Variants in BCLAF1 observed in about 807,000 individuals in gnomAD.
The protein encoded by BCLAF1 is bcl-2-associated transcription factor 1.
BCLAF1 carries 10 observed loss-of-function variants against 99.5 expected under a neutral mutation model. The ratio of observed to expected loss-of-function variants is 0.10; its 90% CI spans 0.06 to 0.17. The LOEUF (loss-of-function observed/expected upper bound fraction) is 0.17, where lower values mean the gene tolerates loss of function less well. Among genes scored for constraint, BCLAF1 ranks in the 10% least tolerant of loss-of-function variants. The pLI is 1.00. For missense variants in BCLAF1, 636 were observed against 1,105.8 expected, an observed-to-expected ratio of 0.58 and a Z score of 6.02; for synonymous variants, 255 against 370.9, an observed-to-expected ratio of 0.69 and a Z score of 3.59.
chr6:136,277,559 T>C (rs1018836905), intron 4 of BCLAF1, among the ~76,000 whole-genome samples: 2 of 152,188 alleles, frequency 1.3e-5, no homozygotes, highest in Non-Finnish European at 2.9e-5. Context: ...AGGGTCTTGC[T>C]CTATCGCCCA....
intron 4 of BCLAF1, among the ~76,000 whole-genome samples, chr6:136,277,583 T>C (rs183134648): frequency 2.6e-4 from 40 of 152,262 alleles, no homozygotes; most frequent in Admixed American, 1.4e-3. Flanking sequence ...TGGAGTGCAG[T>C]AGGCGCAATC....
chr6:136,261,072 T>G lies in BCLAF1; in HGVS notation c.*38A>C, dbSNP rs987833730. The G allele has an allele frequency of 3.2e-6, 5 of 1,542,118 alleles. No individual in the cohort carries two copies. The African/African-American group carries it at 7.0e-5, about 22-fold the overall frequency. On this transcript the variant is annotated 3_prime_UTR_variant, in exon 13 of 13. Transcript: ENST00000531224. Reference sequence around the variant, plus strand: ...AAAATCAGGTAAAAAAAATGGTGGGTGCAAGTTCTGCTCTGTTGTAATCTT... The same window carrying G: ...AAAATCAGGTAAAAAAAATGGTGGGGGCAAGTTCTGCTCTGTTGTAATCTT...
intron 4 of BCLAF1, among the ~76,000 whole-genome samples, chr6:136,276,726 G>A (rs1783475914): frequency 6.6e-6 from 1 of 152,180 alleles, no homozygotes; most frequent in Non-Finnish European, 1.5e-5. Flanking sequence ...GACTTCTGAA[G>A]TTTAAAACAC....
intron 11 of BCLAF1, among the ~76,000 whole-genome samples, chr6:136,265,957 T>A (rs904762909): frequency 2.6e-5 from 4 of 152,024 alleles, no homozygotes; most frequent in Admixed American, 2.0e-4. Context: ...TTTCTATACA[T>A]CAAATGCCTT....
chr6:136,266,909 A>C, intron 11 of BCLAF1, 120 bp downstream of exon 11: 1 of 1,274,398 alleles, frequency 7.8e-7, no homozygotes, highest in South Asian at 1.6e-5. Context: ...TATTTTAAAA[A>C]AGGTTTCCCA....
intron 1 of BCLAF1, among the ~76,000 whole-genome samples, chr6:136,288,734 C>G (rs1439222968): frequency 6.6e-6 from 1 of 152,154 alleles, no homozygotes; most frequent in Non-Finnish European, 1.5e-5. Context: ...AGAAATAAAT[C>G]TTAAAAGCGA....
chr6:136,259,159 G>A lies in BCLAF1; in HGVS notation c.*1951C>T, dbSNP rs573341219. The A allele has an allele frequency of 5.9e-5, 9 of 151,960 alleles. No individual in the cohort carries two copies. The highest frequency in any genetic ancestry group is 4.1e-4 in the South Asian group (2 of 4,824). 9.4% of individuals were successfully genotyped at this position (151,960 alleles called of 1,614,324 possible). A position where few individuals can be genotyped will look rare whatever the true frequency, so the allele number is the denominator to read the frequency against. The stretch of plus-strand genomic sequence containing the variant: ...CAATCACCCTAGCCTACTACACTCT[G>A]GTATAATACTCTTTCTTCAATTCTG... On this transcript the variant is annotated 3_prime_UTR_variant, in exon 13 of 13. Transcript: ENST00000531224.
chr6:136,263,647 TCCATA>T (rs1781322538), intron 11 of BCLAF1, among the ~76,000 whole-genome samples: 1 of 152,132 alleles, frequency 6.6e-6, no homozygotes, highest in African/African-American at 2.4e-5. Context: ...TCTTCTCTTC[TCCATA>T]CAAGGATCAC....
At position 136,261,377 on chromosome 6, in the gene BCLAF1, C is replaced by A. The variant is rs761657011; in HGVS notation, c.2645G>T (p.Gly882Val). 1 of 1,613,878 alleles carries A rather than the reference C, an allele frequency of 6.2e-7. No individual in the cohort carries two copies. Among genetic ancestry groups the A allele is most frequent in the Non-Finnish European group, 8.5e-7 (1 of 1,179,866 alleles). Residue 882 changes from glycine (G) to valine (V), a missense_variant, in exon 12 of 13, where the codon GGT (glycine) becomes GTT (valine). Coordinates refer to ENST00000531224, the MANE Select transcript of BCLAF1 (RefSeq NM_014739.3). Reference protein sequence around the residue: ...GRGRFNFKKSGSSPKWTHDKY... With the variant: ...GRGRFNFKKSVSSPKWTHDKY... ...GTCATGAGTCCATTTAGGACTGCTA[C>A]CTGATTTTTTGAAGTTAAAGCGCCC... is the stretch of plus-strand genomic sequence containing the variant.
chr6:136,268,313 G>A lies in BCLAF1; in HGVS notation c.2246C>T (p.Ser749Phe). The change falls in exon 10 of 13, where the codon TCT becomes TTT. Residue 749 changes from serine to phenylalanine, a missense_variant. This residue lies in a region of BCLAF1 where 180 missense variants were observed against 270.0 expected (regional missense o/e 0.67). Transcript: ENST00000531224. ...TGATGCTGAAGAGGATGAAGATCGA[G>A]AATGATCTTGCTCTCTTTTATGTTT... The part of the protein sequence containing the change: ...DSKHKREQDH[S>F]RSSSSSASPS... The A allele has an allele frequency of 6.2e-7, 1 of 1,606,034 alleles. No homozygotes were observed. Among genetic ancestry groups the A allele is most frequent in the Non-Finnish European group, 8.5e-7 (1 of 1,177,002 alleles).
chr6:136,285,638 A>G (rs1028488667), intron 1 of BCLAF1, among the ~76,000 whole-genome samples: 2 of 152,254 alleles, frequency 1.3e-5, no homozygotes, highest in East Asian at 1.9e-4. Flanking sequence ...ATAAATTGCC[A>G]TATGTATCTT....
At position 136,260,863 on chromosome 6, in the gene BCLAF1, TA is replaced by T. The variant is rs983980370; in HGVS notation, c.*246del. The T allele has an allele frequency of 6.2e-6, 3 of 483,028 alleles. No homozygotes were observed. Among genetic ancestry groups the T allele is most frequent in the African/African-American group, 2.0e-5 (1 of 49,080 alleles). 29.9% of individuals were successfully genotyped at this position (483,028 alleles called of 1,614,324 possible). Reference sequence around the variant, plus strand: ...ATTACAATGCATGTAACAAAAACGTTAAAAGTTTTAAAAGTTGATAGTTACA... The same window carrying T: ...ATTACAATGCATGTAACAAAAACGTTAAAGTTTTAAAAGTTGATAGTTACA... On this transcript the variant is annotated 3_prime_UTR_variant, in exon 13 of 13. Coordinates refer to ENST00000531224, the MANE Select transcript of BCLAF1 (RefSeq NM_014739.3).
chr6:136,287,604 G>C (rs1214343368), intron 1 of BCLAF1, among the ~76,000 whole-genome samples: 3 of 152,164 alleles, frequency 2.0e-5, no homozygotes, highest in Non-Finnish European at 4.4e-5. Context: ...TGCAACTACT[G>C]ATTTCCAACG....
At chr6:136,269,235 G>A (rs1228691690) in intron 9 of BCLAF1, 1 of 1,479,892 alleles carries the variant, frequency 6.8e-7, no homozygotes, top group Non-Finnish European at 8.9e-7. Context: ...TTTTTTCAGT[G>A]TTAGCTTGCT....
intron 1 of BCLAF1, among the ~76,000 whole-genome samples, chr6:136,284,089 C>T (rs1010672966): frequency 1.1e-4 from 16 of 141,718 alleles, no homozygotes; most frequent in Admixed American, 8.6e-4. Flanking sequence ...TTCCAAAAGG[C>T]TAATTTATAT....
intron 3 of BCLAF1, among the ~76,000 whole-genome samples, chr6:136,279,223 T>TG (rs1252046724): frequency 6.6e-6 from 1 of 152,034 alleles, no homozygotes; most frequent in Non-Finnish European, 1.5e-5. Context: ...TTAAGCCTGG[T>TG]GGGGGAAAAA....
At position 136,275,588 on chromosome 6, in the gene BCLAF1, T is replaced by C; in HGVS notation, c.1796A>G (p.Lys599Arg). The change falls in exon 6 of 13, where the codon AAA becomes AGA. Residue 599 changes from lysine (K) to arginine (R), a missense_variant. Coordinates refer to ENST00000531224, the MANE Select transcript of BCLAF1 (RefSeq NM_014739.3). ...FDHIKLPQAS[K>R]STSESFIQHI... is the part of the protein sequence containing the mutation. ...TTGAATAAATGACTCTGAAGTGCTTTTGCTGGCCTGTGGCAACTTAATGTG... is the reference window on the plus strand; with the variant it reads ...TTGAATAAATGACTCTGAAGTGCTTCTGCTGGCCTGTGGCAACTTAATGTG... 1 of 1,593,212 alleles carries C rather than the reference T, an allele frequency of 6.3e-7. No homozygotes were observed. Among genetic ancestry groups the C allele is most frequent in the Non-Finnish European group, 8.5e-7 (1 of 1,171,528 alleles).
chr6:136,279,964 ATT>A, intron 2 of BCLAF1, 88 bp from the exon 3 acceptor site: 1 of 1,276,406 alleles, frequency 7.8e-7, no homozygotes. Flanking sequence ...ATAAAATTTG[ATT>A]TTTACAAGTT....
chr6:136,274,882 A>G (rs1273071427), intron 6 of BCLAF1, among the ~76,000 whole-genome samples: 1 of 151,924 alleles, frequency 6.6e-6, no homozygotes, highest in African/African-American at 2.4e-5. Context: ...GTTGAAATAA[A>G]CAACCTTATC....
Sources: gnomAD v4.1 joint callset for allele counts (sites outside exome capture counted in the v4.1 genomes callset) on GRCh38, gnomAD v4.1.1 for gene constraint, gnomAD v4.1.1 regional missense constraint, MANE v1.5 for transcripts, NCBI Gene and HGNC (gene_info 2026-07-23, HGNC 2026-07-21) for gene names.